FAM162A: variants seen among roughly 807,000 people sequenced by gnomAD.
The protein encoded by FAM162A is protein FAM162A.
In FAM162A, 23 loss-of-function variants were observed where a neutral mutation model predicts 21.8. That is an observed-to-expected ratio of 1.05 (90% CI 0.76 to 1.49). The LOEUF (loss-of-function observed/expected upper bound fraction) is 1.49, where lower values mean the gene tolerates loss of function less well. FAM162A is among the 40% of genes most tolerant of loss of function. The probability of loss-of-function intolerance (pLI) is 0.00; values close to 1 mark genes in which losing one functional copy is unlikely to be tolerated. For synonymous variants in FAM162A, 53 were observed against 61.3 expected (o/e 0.86, Z 0.64); for missense variants, 165 against 186.4 (o/e 0.89, Z 0.67).
In FAM162A at chr3:122,412,244, T is replaced by G. The variant is rs1438991886; in HGVS notation, c.*2413T>G. 4.6e-5 allele frequency: 7 copies of G among 152,246 alleles called. No homozygotes were observed. The highest frequency in any genetic ancestry group is 4.1e-4 in the South Asian group (2 of 4,834). The allele number at this position is 152,246 out of a possible 1,614,324, so 9.4% of individuals were successfully genotyped here. ...CTAGGTTTTTTTTGCGTGTTTATCA[T>G]GTCTCCGTAGGTAAAGTGGGCAGAA... On this transcript the variant is annotated 3_prime_UTR_variant, in exon 5 of 5. Coordinates refer to ENST00000477892, the MANE Select transcript of FAM162A (RefSeq NM_014367.4).
intron 1 of FAM162A, among the ~76,000 whole-genome samples, chr3:122,395,716 T>C (rs2075623986): frequency 6.6e-6 from 1 of 152,166 alleles, no homozygotes; most frequent in African/African-American, 2.4e-5. Flanking sequence ...TTTAGAAATT[T>C]AAGGGACCCT....
chr3:122,395,446 G>T (rs2075622713), intron 1 of FAM162A, among the ~76,000 whole-genome samples: 1 of 152,138 alleles, frequency 6.6e-6, no homozygotes, highest in Non-Finnish European at 1.5e-5. Flanking sequence ...CAAACATGAA[G>T]AAAATTCCAT....
At chr3:122,393,419 C>T (rs567745549) in intron 1 of FAM162A, among the ~76,000 whole-genome samples, 1 of 152,142 alleles carries the variant, frequency 6.6e-6, no homozygotes, top group East Asian at 1.9e-4. Flanking sequence ...TGCTTTATTC[C>T]TGTCTTCTTT....
intron 2 of FAM162A, among the ~76,000 whole-genome samples, chr3:122,403,460 T>C (rs1330372121): frequency 2.0e-5 from 3 of 152,160 alleles, no homozygotes; most frequent in Non-Finnish European, 4.4e-5. Context: ...AATTAAGATA[T>C]TATGCGTTAG....
chr3:122,393,102 G>A (rs2075611424), intron 1 of FAM162A, among the ~76,000 whole-genome samples: 1 of 152,160 alleles, frequency 6.6e-6, no homozygotes, highest in African/African-American at 2.4e-5. Flanking sequence ...TGTTGTGTTT[G>A]CCAGATCCAG....
intron 1 of FAM162A, among the ~76,000 whole-genome samples, chr3:122,393,884 C>T (rs2075615445): frequency 6.6e-6 from 1 of 152,108 alleles, no homozygotes; most frequent in Non-Finnish European, 1.5e-5. Flanking sequence ...TGTCCGAGCA[C>T]GAATGGAAGG....
chr3:122,390,239 C>G (rs12493592), intron 1 of FAM162A, among the ~76,000 whole-genome samples: 3 of 152,032 alleles, frequency 2.0e-5, no homozygotes, highest in Non-Finnish European at 4.4e-5. Flanking sequence ...TACGACATCC[C>G]TCAGCAGAGG....
intron 1 of FAM162A, among the ~76,000 whole-genome samples, chr3:122,385,262 A>G (rs572520960): frequency 2.0e-5 from 3 of 152,306 alleles, no homozygotes; most frequent in African/African-American, 7.2e-5. Context: ...ATTATCCTTT[A>G]CACAGCTTAT....
chr3:122,389,672 G>A (rs995347874), intron 1 of FAM162A, among the ~76,000 whole-genome samples: 1 of 152,120 alleles, frequency 6.6e-6, no homozygotes, highest in Non-Finnish European at 1.5e-5. Context: ...TAATATCTTG[G>A]AAAGTATTTG....
chr3:122,384,661 C>T (rs964309816), intron 1 of FAM162A, among the ~76,000 whole-genome samples: 3 of 152,102 alleles, frequency 2.0e-5, no homozygotes, highest in Non-Finnish European at 4.4e-5. Context: ...CCACCCTAAC[C>T]TCCCCTATCT....
chr3:122,402,786 G>A lies in FAM162A; in HGVS notation c.61G>A (p.Asp21Asn), dbSNP rs1328372159. ...AGSCFRLCER[D>N]VSSSLRLTRS... ...AAGCTGTTTTAGGTTATGTGAAAGAGATGTTTCCTCATCTCTAAGGCTTAC... is the reference window on the plus strand; with the variant it reads ...AAGCTGTTTTAGGTTATGTGAAAGAAATGTTTCCTCATCTCTAAGGCTTAC... Residue 21 changes from aspartate to asparagine, a missense_variant, in exon 2 of 5, where the codon GAT becomes AAT. Physicochemically the swap from Asp to Asn is conservative, Grantham distance 23 (BLOSUM62 1). Coordinates refer to ENST00000477892, the MANE Select transcript of FAM162A (RefSeq NM_014367.4). 9.5e-6 allele frequency: 15 copies of A among 1,575,758 alleles called. No homozygotes were observed. The Admixed American group carries it at 2.8e-4, about 29-fold the overall frequency.
intron 1 of FAM162A, among the ~76,000 whole-genome samples, chr3:122,398,299 C>CT (rs958924834): frequency 3.3e-5 from 5 of 150,688 alleles, no homozygotes; most frequent in African/African-American, 1.2e-4. Flanking sequence ...CCATTGTCTG[C>CT]TAAAAAAAAA....
chr3:122,393,780 T>C (rs1486135135), intron 1 of FAM162A, among the ~76,000 whole-genome samples: 1 of 152,212 alleles, frequency 6.6e-6, no homozygotes, highest in East Asian at 1.9e-4. Flanking sequence ...TGGAAAGCTC[T>C]GACATATTTC....
In FAM162A at chr3:122,407,387, A is replaced by C. The variant is rs868701883; in HGVS notation, c.370A>C (p.Lys124Gln). 2 of 1,611,152 alleles carry C rather than the reference A, an allele frequency of 1.2e-6. No individual in the cohort carries two copies. The highest frequency in any genetic ancestry group is 2.7e-5 in the African/African-American group (2 of 74,990). The change falls in exon 4 of 5, where the codon AAG becomes CAG. Residue 124 changes from lysine to glutamine, a missense_variant and splice_region_variant. Coordinates refer to ENST00000477892, the MANE Select transcript of FAM162A (RefSeq NM_014367.4). ...CATCTTCATGGTTATTGAGGGCAAG[A>C]AGGTGAGAAGGGGTTTCTTCTCTAT... ...GCIFMVIEGK[K>Q]AAQRHETLTS...
intron 1 of FAM162A, among the ~76,000 whole-genome samples, chr3:122,384,838 A>G (rs1366673664): frequency 6.6e-6 from 1 of 152,238 alleles, no homozygotes; most frequent in Non-Finnish European, 1.5e-5. Context: ...AGGATACATT[A>G]CTTTTAAACA....
At chr3:122,400,370 AG>A (rs2075647370) in intron 1 of FAM162A, among the ~76,000 whole-genome samples, 1 of 140,472 alleles carries the variant, frequency 7.1e-6, no homozygotes, top group South Asian at 2.2e-4. Context: ...AGGGCCTGTC[AG>A]GGGGTGGGGG....
At chr3:122,397,933 C>T (rs1028659913) in intron 1 of FAM162A, among the ~76,000 whole-genome samples, 4 of 152,082 alleles carry the variant, frequency 2.6e-5, no homozygotes, top group African/African-American at 7.2e-5. Flanking sequence ...GATTCCAACT[C>T]GGGCAGAAAA....
At chr3:122,388,788 G>A (rs1470522461) in intron 1 of FAM162A, among the ~76,000 whole-genome samples, 4 of 152,192 alleles carry the variant, frequency 2.6e-5, no homozygotes, top group Non-Finnish European at 5.9e-5. Flanking sequence ...GGTGGCTCAA[G>A]CTTGTAATCC....
chr3:122,389,909 A>G (rs970504276), intron 1 of FAM162A, among the ~76,000 whole-genome samples: 11 of 152,294 alleles, frequency 7.2e-5, no homozygotes, highest in African/African-American at 2.6e-4. Flanking sequence ...AGCTTTTTAC[A>G]TAACATGGTG....
Sources: gnomAD v4.1 joint callset for allele counts (sites outside exome capture counted in the v4.1 genomes callset) on GRCh38, gnomAD v4.1.1 for gene constraint, MANE v1.5 for transcripts, NCBI Gene and HGNC (gene_info 2026-07-23, HGNC 2026-07-21) for gene names.